Variants in OR52N4 observed in about 807,000 individuals in gnomAD.
OR52N4 encodes the protein olfactory receptor family 52 subfamily N member 4, also known as olfactory receptor 52N4.
In OR52N4, 15 loss-of-function variants were observed where a neutral mutation model predicts 15.0. That is an observed-to-expected ratio of 1.00 (90% CI 0.67 to 1.54). OR52N4 has a LOEUF of 1.54. OR52N4 is among the 40% of genes most tolerant of loss of function. OR52N4 has a pLI of 0.00. For missense variants in OR52N4, 421 were observed against 394.0 expected (o/e 1.07, Z -0.58); for synonymous variants, 143 against 143.7 (o/e 1.00, Z 0.03).
At chr11:5,749,022 A>G in the OR52N4 span, among the ~76,000 whole-genome samples, 2 of 152,108 alleles carry the variant, frequency 1.3e-5, no homozygotes, top group East Asian at 3.9e-4. Flanking sequence ...TGAGATTCTT[A>G]AATATCCCCT....
chr11:5,736,507 A>T, the OR52N4 span: 1 of 1,612,030 alleles, frequency 6.2e-7, no homozygotes. Context: ...TTTGAAATTC[A>T]TGTTGAATCA....
At chr11:5,732,940 T>C in the OR52N4 span, among the ~76,000 whole-genome samples, 2 of 152,314 alleles carry the variant, frequency 1.3e-5, no homozygotes, top group South Asian at 4.1e-4. Flanking sequence ...ACATATTCCA[T>C]TCCAGTGCAT....
the OR52N4 span, chr11:5,727,173 A>T: frequency 6.5e-6 from 1 of 152,942 alleles, no homozygotes; most frequent in African/African-American, 2.4e-5. Flanking sequence ...TAATTGCACA[A>T]GCTGTCCTTC....
At chr11:5,748,681 A>C in the OR52N4 span, among the ~76,000 whole-genome samples, 1 of 152,020 alleles carries the variant, frequency 6.6e-6, no homozygotes, top group Admixed American at 6.6e-5. Flanking sequence ...AAAATGATAC[A>C]TTAATATAAA....
chr11:5,734,476 C>T, the OR52N4 span, among the ~76,000 whole-genome samples: 1 of 152,016 alleles, frequency 6.6e-6, no homozygotes, highest in African/African-American at 2.4e-5. Context: ...ACAACACTGC[C>T]AGATTATCTT....
chr11:5,738,830 G>A, the OR52N4 span, among the ~76,000 whole-genome samples: 1 of 151,906 alleles, frequency 6.6e-6, no homozygotes, highest in Non-Finnish European at 1.5e-5. Flanking sequence ...TTATTGTCTT[G>A]TATTTCAATC....
chr11:5,737,252 GC>G, the OR52N4 span: 2 of 1,614,028 alleles, frequency 1.2e-6, no homozygotes, highest in East Asian at 4.5e-5. Flanking sequence ...TGCAGCCAAG[GC>G]CCTGAGCACT....
the OR52N4 span, among the ~76,000 whole-genome samples, chr11:5,728,041 A>T: frequency 6.6e-6 from 1 of 152,198 alleles, no homozygotes; most frequent in Non-Finnish European, 1.5e-5. Context: ...ATCCTTTAGG[A>T]CTTCTATGAA....
chr11:5,734,099 T>C, the OR52N4 span: 27 of 451,680 alleles, frequency 6.0e-5, no homozygotes, highest in Non-Finnish European at 8.9e-6. Flanking sequence ...AGTTTATAAT[T>C]TCTGTGCCAC....
chr11:5,755,701 ATGTG>A lies in OR52N4; in HGVS notation c.962_965del (p.Met321LysfsTer2). ...TTCTAAGGATACCAAATCCTACAGC[ATGTG>A]AATGAACACTTGCCAGGAGTGAGAA... is the stretch of plus-strand genomic sequence containing the variant. On this transcript the variant is annotated frameshift_variant and stop_lost, in exon 2 of 2. Transcript: ENST00000641350. LOFTEE classifies it high-confidence loss of function. The A allele has an allele frequency of 6.2e-7, 1 of 1,612,138 alleles. No individual in the cohort carries two copies. Among genetic ancestry groups the A allele is most frequent in the Non-Finnish European group, 8.5e-7 (1 of 1,178,872 alleles).
chr11:5,746,123 T>G, the OR52N4 span, among the ~76,000 whole-genome samples: 2,268 of 152,254 alleles, frequency 0.015, 34 homozygotes, highest in East Asian at 0.054. Context: ...AGCCTGAACC[T>G]CTATCTCTCA....
the OR52N4 span, chr11:5,737,433 A>G: frequency 6.2e-7 from 1 of 1,613,988 alleles, no homozygotes; most frequent in Non-Finnish European, 8.5e-7. Flanking sequence ...CAGACCAAAG[A>G]ACTTAGGGCA....
chr11:5,743,353 C>T, the OR52N4 span, among the ~76,000 whole-genome samples: 1 of 152,178 alleles, frequency 6.6e-6, no homozygotes, highest in East Asian at 1.9e-4. Context: ...ACCAAAAAAA[C>T]CTTCTGAACT....
chr11:5,755,446 C>A lies in OR52N4; in HGVS notation c.706C>A (p.Arg236=). Residue 236 remains arginine (R), a synonymous_variant, in exon 2 of 2, where the codon CGG becomes AGG. Transcript: ENST00000641350. The part of the protein sequence containing the change: ...AVVSLSSADA[R]QKAFNTCTAH... ...GGTCAGCCTCTCCTCAGCAGATGCTCGGCAGAAGGCCTTTAATACCTGCAC... is the reference window on the plus strand; with the variant it reads ...GGTCAGCCTCTCCTCAGCAGATGCTAGGCAGAAGGCCTTTAATACCTGCAC... The A allele has an allele frequency of 6.2e-7, 1 of 1,614,024 alleles. No individual in the cohort carries two copies. Among genetic ancestry groups the A allele is most frequent in the Non-Finnish European group, 8.5e-7 (1 of 1,179,968 alleles).
At chr11:5,739,279 TG>T in the OR52N4 span, among the ~76,000 whole-genome samples, 2 of 127,758 alleles carry the variant, frequency 1.6e-5, no homozygotes, top group Admixed American at 1.5e-4. Context: ...CTGGGCACAG[TG>T]GCTTACACTT....
At chr11:5,729,619 T>A in the OR52N4 span, among the ~76,000 whole-genome samples, 12 of 152,322 alleles carry the variant, frequency 7.9e-5, 1 homozygote, top group African/African-American at 2.9e-4. Flanking sequence ...AGCAATATAC[T>A]TATAAGCACT....
the OR52N4 span, among the ~76,000 whole-genome samples, chr11:5,746,366 T>C: frequency 6.6e-6 from 1 of 152,096 alleles, no homozygotes; most frequent in Non-Finnish European, 1.5e-5. Context: ...GCTGACAACC[T>C]ACAGAATGGG....
chr11:5,754,833 C>T lies in OR52N4; in HGVS notation c.93C>T (p.Phe31=). The change falls in exon 2 of 2, where the codon TTC becomes TTT. Residue 31 remains phenylalanine (F), a synonymous_variant. Transcript: ENST00000641350. ...AAGACACACAACTCTGGATTTCCTT[C>T]CCATTCTGCTCTATGTATGTTGTGG... is the stretch of plus-strand genomic sequence containing the variant. ...GLEDTQLWIS[F]PFCSMYVVAM... 1 of 1,613,766 alleles carries T rather than the reference C, an allele frequency of 6.2e-7. No homozygotes were observed. The highest frequency in any genetic ancestry group is 1.1e-5 in the South Asian group (1 of 91,062).
upstream of OR52N4, among the ~76,000 whole-genome samples, chr11:5,753,856 G>C (rs1254260463): frequency 6.6e-6 from 1 of 151,404 alleles, no homozygotes; most frequent in African/African-American, 2.4e-5. Context: ...AGCTGGGCGT[G>C]GTGGCATGTG....
Sources: allele counts gnomAD v4.1 joint callset (sites outside exome capture counted in the v4.1 genomes callset), GRCh38; gene constraint gnomAD v4.1.1; transcripts MANE v1.5; gene names NCBI Gene and HGNC (gene_info 2026-07-23, HGNC 2026-07-21).